SMIM36: variants seen among roughly 807,000 people sequenced by gnomAD.
SMIM36 encodes small integral membrane protein 36.
rs55879501 is a variant in SMIM36 at position 55,508,431 on chromosome 17, AATATATATATATATATATATATAT to A, written c.*174+2424_*174+2447del. ...CATATTTTATATATATATTCCTAGG[AATATATATATATATATATATATAT>A]ATATATATATATATGAACCTGCCCT... On this transcript the variant is annotated intron_variant, in intron 1 of 4. Transcript: ENST00000636752. 3.0e-4 allele frequency among the ~76,000 whole-genome samples: 34 copies of A among 114,338 alleles called. 1 individual carries two copies. Among genetic ancestry groups the A allele is most frequent in the African/African-American group, 8.8e-4 (25 of 28,340 alleles). 75.0% of individuals were successfully genotyped at this position (114,338 alleles called of 152,430 possible).
the SMIM36 span, among the ~76,000 whole-genome samples, chr17:55,523,509 G>A: frequency 6.9e-6 from 1 of 144,226 alleles, no homozygotes; most frequent in African/African-American, 2.6e-5. Context: ...CAGCTTGGGC[G>A]ACAGAGTGAG....
intron 1 of SMIM36, among the ~76,000 whole-genome samples, chr17:55,502,193 C>T (rs1199281252): frequency 6.7e-6 from 1 of 149,966 alleles, no homozygotes; most frequent in Admixed American, 6.6e-5. Context: ...ACAAAGCAGC[C>T]AGGAAGCTCG....
upstream of SMIM36, among the ~76,000 whole-genome samples, chr17:55,515,113 T>TTTTTG: frequency 7.3e-6 from 1 of 137,268 alleles, no homozygotes. Context: ...TTTTTTTTTT[T>TTTTTG]TGCGCTGGAA....
chr17:55,518,753 G>A, the SMIM36 span, among the ~76,000 whole-genome samples: 2 of 152,208 alleles, frequency 1.3e-5, no homozygotes, highest in South Asian at 2.1e-4. Flanking sequence ...GCGAGCCCAT[G>A]GGTTGTGAGT....
chr17:55,481,613 A>C (rs765196617), intron 1 of SMIM36, among the ~76,000 whole-genome samples: 12 of 152,174 alleles, frequency 7.9e-5, no homozygotes, highest in Non-Finnish European at 5.9e-5. Flanking sequence ...AGCTAAGAAA[A>C]ATTTATATCT....
At chr17:55,503,805 T>C (rs1055891119) in intron 1 of SMIM36, among the ~76,000 whole-genome samples, 1 of 126,754 alleles carries the variant, frequency 7.9e-6, no homozygotes, top group Non-Finnish European at 1.6e-5. Flanking sequence ...TCAAGACCCA[T>C]CAGTGTGCTG....
chr17:55,529,609 T>TACACACACACACACACACACACAC, the SMIM36 span, among the ~76,000 whole-genome samples: 1 of 142,922 alleles, frequency 7.0e-6, no homozygotes, highest in African/African-American at 2.6e-5. Flanking sequence ...CTACTAAAAA[T>TACACACACACACACACACACACAC]ACACACACAC....
chr17:55,478,890 G>A (rs911424617), intron 2 of SMIM36, 77 bp from the exon 3 acceptor site: 1 of 152,176 alleles, frequency 6.6e-6, no homozygotes, highest in African/African-American at 2.4e-5. Context: ...TGTCATATTG[G>A]TGTTTAATTT....
intron 1 of SMIM36, among the ~76,000 whole-genome samples, chr17:55,486,055 A>G (rs989390176): frequency 3.5e-5 from 4 of 114,126 alleles, no homozygotes; most frequent in African/African-American, 1.1e-4. Context: ...TTTTTTTTTG[A>G]GACGGAGTCT....
chr17:55,469,981 TA>T (rs55821488), intron 3 of SMIM36, among the ~76,000 whole-genome samples: 82,347 of 149,202 alleles, frequency 0.55, 23,667 homozygotes, highest in African/African-American at 0.72. Flanking sequence ...AAACTCCATC[TA>T]AAAAAAAAAC....
chr17:55,492,242 C>CTTTCTT (rs1555621869), intron 1 of SMIM36, among the ~76,000 whole-genome samples: 1 of 111,286 alleles, frequency 9.0e-6, no homozygotes, highest in Non-Finnish European at 1.8e-5. Flanking sequence ...TTCTTTCTTT[C>CTTTCTT]TTTTTTTTTT....
At chr17:55,487,540 G>A (rs1909628820) in intron 1 of SMIM36, among the ~76,000 whole-genome samples, 2 of 152,008 alleles carry the variant, frequency 1.3e-5, no homozygotes, top group African/African-American at 4.8e-5. Context: ...AAAAGGGGAG[G>A]GTTTATGTAA....
intron 3 of SMIM36, among the ~76,000 whole-genome samples, chr17:55,476,294 C>G (rs7209034): frequency 0.73 from 111,341 of 151,782 alleles, 41,540 homozygotes; most frequent in Middle Eastern, 0.81. Context: ...TGAGTCTCAG[C>G]AGCTCCCCAC....
intron 1 of SMIM36, among the ~76,000 whole-genome samples, chr17:55,494,700 AC>A (rs1288791568): frequency 6.6e-6 from 1 of 151,724 alleles, no homozygotes; most frequent in Non-Finnish European, 1.5e-5. Flanking sequence ...ACACATACAC[AC>A]TCACACGAGT....
intron 3 of SMIM36, among the ~76,000 whole-genome samples, chr17:55,470,262 G>A (rs1260126085): frequency 1.3e-5 from 2 of 152,116 alleles, no homozygotes; most frequent in Non-Finnish European, 2.9e-5. Context: ...GATCCCAAAG[G>A]CTCTCTGATT....
intron 1 of SMIM36, among the ~76,000 whole-genome samples, chr17:55,508,431 A>AATATATATATATATATATATATATAT (rs55879501): frequency 7.9e-5 from 9 of 114,308 alleles, no homozygotes; most frequent in Admixed American, 1.9e-4. Flanking sequence ...TATTCCTAGG[A>AATATATATATATATATATATATATAT]ATATATATAT....
chr17:55,460,668 T>C (rs1056595491), intron 4 of SMIM36, among the ~76,000 whole-genome samples: 48 of 151,976 alleles, frequency 3.2e-4, no homozygotes, highest in Non-Finnish European at 6.8e-4. Context: ...CCATCCTGGC[T>C]AAAACGGTGA....
intron 1 of SMIM36, among the ~76,000 whole-genome samples, chr17:55,485,452 A>ATT (rs371128057): frequency 0.63 from 90,345 of 144,016 alleles, 28,772 homozygotes; most frequent in Middle Eastern, 0.7. Flanking sequence ...TACCCTGCTG[A>ATT]TTTTTTTTTT....
the SMIM36 span, among the ~76,000 whole-genome samples, chr17:55,521,653 G>A: frequency 6.7e-5 from 10 of 150,278 alleles, no homozygotes; most frequent in South Asian, 2.1e-4. Flanking sequence ...GAGGACATGC[G>A]TGGATTTTAG....
Sources: gnomAD v4.1 joint callset for allele counts (sites outside exome capture counted in the v4.1 genomes callset) on GRCh38, gnomAD v4.1.1 for gene constraint, MANE v1.5 for transcripts, NCBI Gene and HGNC (gene_info 2026-07-23, HGNC 2026-07-21) for gene names.